PCNT: variants seen among roughly 807,000 people sequenced by gnomAD.
PCNT encodes pericentrin, also known as kendrin.
PCNT carries 319 observed loss-of-function variants against 380.4 expected under a neutral mutation model. That is an observed-to-expected ratio of 0.84 (90% confidence interval 0.77 to 0.92). PCNT has a LOEUF of 0.92. Ranked by LOEUF, PCNT falls within the 40% of genes least tolerant of loss-of-function variation. The probability of loss-of-function intolerance (pLI) is 0.00; values close to 1 mark genes in which losing one functional copy is unlikely to be tolerated. For synonymous variants in PCNT, 1,845 were observed against 1,735.2 expected (o/e 1.06, Z -1.57); for missense variants, 4,400 against 4,255.3 (o/e 1.03, Z -0.95).
Position 46,367,113 on chromosome 21 carries a change from G to A in PCNT, c.3139G>A (p.Ala1047Thr). The A allele has an allele frequency of 5.0e-6, 8 of 1,613,210 alleles. No homozygotes were observed. The highest frequency in any genetic ancestry group is 6.8e-6 in the Non-Finnish European group (8 of 1,180,014). Residue 1047 changes from alanine to threonine, a missense_variant, in exon 15 of 47, where the codon GCT becomes ACT. By Grantham distance (58) the Ala-to-Thr change is moderately conservative (BLOSUM62 0). Transcript: ENST00000359568. ...EVSTELAGTVAHELQGVHQGE... is the reference protein window; with the variant it reads ...EVSTELAGTVTHELQGVHQGE... ...GAGCACAGAGCTCGCCGGAACCGTG[G>A]CTCACGAGCTGCAGGGAGTGCACCA...
At chr21:46,325,318 G>A (rs1368978086) in intron 1 of PCNT, 5 of 582,312 alleles carry the variant, frequency 8.6e-6, no homozygotes, top group East Asian at 2.8e-4. Flanking sequence ...AAGGGCTGAG[G>A]CGGGCAGGAG....
At chr21:46,402,942 A>G (rs1193525917) in intron 27 of PCNT, among the ~76,000 whole-genome samples, 1 of 152,248 alleles carries the variant, frequency 6.6e-6, no homozygotes, top group Non-Finnish European at 1.5e-5. Flanking sequence ...GTGTATATTA[A>G]AAAATCTATT....
Position 46,374,550 on chromosome 21 carries a change from G to A in PCNT, c.3166-7144G>A, listed in dbSNP as rs79193930. 4.6e-3 allele frequency among the ~76,000 whole-genome samples: 697 copies of A among 152,198 alleles called. 10 individuals are homozygous for A. Among genetic ancestry groups the A allele is most frequent in the Non-Finnish European group, 6.9e-3 (467 of 68,010 alleles). ...CTGGTCTTTCCTCAGGCTTTACACC[G>A]TGAAAAGACATAACACAAGCTGGCT... On this transcript the variant is annotated intron_variant, in intron 15 of 46. Transcript: ENST00000359568.
At chr21:46,414,964 G>C (rs2086965413) in intron 29 of PCNT, among the ~76,000 whole-genome samples, 2 of 152,216 alleles carry the variant, frequency 1.3e-5, no homozygotes, top group Non-Finnish European at 2.9e-5. Flanking sequence ...CTGAAACCCA[G>C]AGGCTCTAAC....
intron 15 of PCNT, among the ~76,000 whole-genome samples, chr21:46,369,652 A>C (rs899769530): frequency 7.9e-5 from 12 of 152,254 alleles, no homozygotes; most frequent in African/African-American, 2.9e-4. Flanking sequence ...CATATCACAC[A>C]TGAAGTGTGT....
chr21:46,384,484 G>T lies in PCNT; in HGVS notation c.3313-1348G>T, dbSNP rs577411341. On this transcript the variant is annotated intron_variant, in intron 16 of 46. Transcript: ENST00000359568. ...GTGTTGTGCATTCAGTGGCAGAAGCGCATTCACGGTGTTGTACATTCAGTG... is the reference window on the plus strand; with the variant it reads ...GTGTTGTGCATTCAGTGGCAGAAGCTCATTCACGGTGTTGTACATTCAGTG... Among the ~76,000 whole-genome samples, 7 of 146,270 alleles carry T rather than the reference G, an allele frequency of 4.8e-5. 1 individual carries two copies. The highest frequency in any genetic ancestry group is 1.5e-4 in the African/African-American group (6 of 39,950).
chr21:46,416,928 C>T (rs2087050671), intron 30 of PCNT, 89 bp downstream of exon 30: 3 of 1,329,450 alleles, frequency 2.3e-6, no homozygotes, highest in Non-Finnish European at 3.1e-6. Flanking sequence ...TTGTTCACCT[C>T]CTGACAGCAC....
At chr21:46,386,398 C>T (rs1264782154) in intron 17 of PCNT, among the ~76,000 whole-genome samples, 2 of 152,252 alleles carry the variant, frequency 1.3e-5, no homozygotes, top group African/African-American at 2.4e-5. Context: ...TGTCGTGCCT[C>T]ATGCATCTCT....
chr21:46,366,954 C>T lies in PCNT; in HGVS notation c.2980C>T (p.Arg994Ter), dbSNP rs768317443. ...GCACAGGCAGGCCCTAGAGCTCTTACGAGCAGACTTTGAGGAACAACTGTG... is the reference window on the plus strand; with the variant it reads ...GCACAGGCAGGCCCTAGAGCTCTTATGAGCAGACTTTGAGGAACAACTGTG... ...EEHRQALELL[R>*]ADFEEQLWKK... Residue 994 changes from arginine (R) to a stop codon, truncating the protein, a stop_gained, in exon 15 of 47, where the codon CGA becomes TGA. Coordinates refer to ENST00000359568, the MANE Select transcript of PCNT (RefSeq NM_006031.6). LOFTEE classifies it high-confidence loss of function. 17 of 1,614,108 alleles carry T rather than the reference C, an allele frequency of 1.1e-5. No individual in the cohort carries two copies. Among genetic ancestry groups the T allele is most frequent in the Admixed American group, 1.7e-5 (1 of 60,004 alleles).
intron 41 of PCNT, among the ~76,000 whole-genome samples, chr21:46,439,606 A>G (rs1439377053): frequency 6.6e-6 from 1 of 152,084 alleles, no homozygotes; most frequent in African/African-American, 2.4e-5. Flanking sequence ...GGGGCAAGAA[A>G]AGAAGCACAC....
In PCNT at chr21:46,438,281, G is replaced by A. The variant is rs371058544; in HGVS notation, c.9217G>A (p.Val3073Met). 160 of 1,614,186 alleles carry A rather than the reference G, an allele frequency of 9.9e-5. No individual in the cohort carries two copies. Among genetic ancestry groups the A allele is most frequent in the Admixed American group, 2.2e-4 (13 of 60,026 alleles). Residue 3073 changes from valine (V) to methionine (M), a missense_variant, in exon 41 of 47, where the codon GTG becomes ATG. Val to Met is a conservative substitution (Grantham distance 21, BLOSUM62 1). Transcript: ENST00000359568. ...TQEKLELSRA[V>M]SKLEKLLKHH... is the part of the protein sequence containing the mutation. ...GGAGAAGCTGGAGCTGAGCAGAGCC[G>A]TGTCTAAGCTTGAGAAGTTGCTGAA...
chr21:46,326,970 G>A (rs2083414009), intron 2 of PCNT, among the ~76,000 whole-genome samples: 1 of 150,598 alleles, frequency 6.6e-6, no homozygotes, highest in Non-Finnish European at 1.5e-5. Flanking sequence ...CCGAGATCAC[G>A]CCAATGCACT....
intron 15 of PCNT, among the ~76,000 whole-genome samples, chr21:46,377,986 G>A (rs2085385930): frequency 6.6e-6 from 1 of 152,126 alleles, no homozygotes. Context: ...CTCGGTGTCC[G>A]CGGCTTTCAC....
intron 37 of PCNT, 99 bp downstream of exon 37, chr21:46,430,756 C>T: frequency 2.6e-6 from 4 of 1,540,934 alleles, no homozygotes; most frequent in Non-Finnish European, 3.5e-6. Context: ...TTCTTCATGG[C>T]AGTGCACCCA....
intron 14 of PCNT, among the ~76,000 whole-genome samples, chr21:46,364,856 C>G (rs2084844141): frequency 1.3e-5 from 2 of 152,252 alleles, no homozygotes; most frequent in Non-Finnish European, 2.9e-5. Context: ...TCTCACCAGG[C>G]TACGACATGC....
Position 46,399,673 on chromosome 21 carries a change from A to G in PCNT, c.4668A>G (p.Gln1556=), listed in dbSNP as rs757931376. 1.2e-6 allele frequency: 2 copies of G among 1,613,674 alleles called. No homozygotes were observed. Among genetic ancestry groups the G allele is most frequent in the East Asian group, 2.2e-5 (1 of 44,890 alleles). Residue 1556 remains glutamine (Q), a synonymous_variant, in exon 25 of 47, where the codon CAA becomes CAG. Coordinates refer to ENST00000359568, the MANE Select transcript of PCNT (RefSeq NM_006031.6). ...LAIQKESADR[Q]VLMQEEEIKR... Reference sequence around the variant, plus strand: ...TACAGAAAGAGTCGGCAGATAGACAAGTGTTAATGCAGGAAGAAGAAATTA... The same window carrying G: ...TACAGAAAGAGTCGGCAGATAGACAGGTGTTAATGCAGGAAGAAGAAATTA...
At chr21:46,410,196 T>C (rs1312882577) in intron 27 of PCNT, among the ~76,000 whole-genome samples, 1 of 151,994 alleles carries the variant, frequency 6.6e-6, no homozygotes, top group Non-Finnish European at 1.5e-5. Flanking sequence ...GGAGGCTGCT[T>C]TTGCTAAATG....
chr21:46,372,892 C>G (rs1240981589), intron 15 of PCNT, among the ~76,000 whole-genome samples: 2 of 152,238 alleles, frequency 1.3e-5, no homozygotes, highest in Non-Finnish European at 2.9e-5. Flanking sequence ...TTCTGTCTCG[C>G]TTTTCCAGGG....
intron 15 of PCNT, among the ~76,000 whole-genome samples, chr21:46,372,673 A>G (rs2085193025): frequency 6.6e-6 from 1 of 152,144 alleles, no homozygotes; most frequent in Non-Finnish European, 1.5e-5. Flanking sequence ...AAGGTTTTGA[A>G]CCTGAAAGGT....
Sources: allele counts gnomAD v4.1 joint callset (sites outside exome capture counted in the v4.1 genomes callset), GRCh38; gene constraint gnomAD v4.1.1; transcripts MANE v1.5; gene names NCBI Gene and HGNC (gene_info 2026-07-23, HGNC 2026-07-21).